RCAN3: variants seen among roughly 807,000 people sequenced by gnomAD.
The protein encoded by RCAN3 is calcipressin-3.
In RCAN3, 19 loss-of-function variants were observed where a neutral mutation model predicts 21.9. The observed-to-expected ratio is 0.87, with a 90% confidence interval of 0.61 to 1.27. RCAN3 has a LOEUF of 1.27. Among genes scored for constraint, RCAN3 ranks in the 50% most tolerant of loss-of-function variants. The pLI is 0.00. For synonymous variants in RCAN3, 114 were observed against 112.3 expected (o/e 1.01, Z -0.09); for missense variants, 240 against 300.1 (o/e 0.80, Z 1.48).
chr1:24,512,394 T>C (rs1214445751), intron 1 of RCAN3, among the ~76,000 whole-genome samples: 7 of 151,290 alleles, frequency 4.6e-5, no homozygotes, highest in Non-Finnish European at 5.9e-5. Flanking sequence ...TGGAACGAGG[T>C]TCTTTAGGAG....
rs144785610 is a variant in RCAN3, at chr1:24,535,148, T to C, written c.597T>C (p.His199=). 176 of 1,598,778 alleles carry C rather than the reference T, an allele frequency of 1.1e-4. No individual in the cohort carries two copies. Among genetic ancestry groups the C allele is most frequent in the Admixed American group, 7.0e-4 (39 of 55,860 alleles). Residue 199 remains histidine, a synonymous_variant, in exon 5 of 5, where the codon CAT becomes CAC. Transcript: ENST00000374395. ...AGTCGACACCCAGCGTGGTGGTTCA[T>C]GTCTGTGAAAGTGAAACTGAAGAGG... ...GTESTPSVVV[H]VCESETEEEE... is the part of the protein sequence containing the mutation.
chr1:24,503,788 C>G (rs1008586157), intron 1 of RCAN3, among the ~76,000 whole-genome samples: 5 of 152,194 alleles, frequency 3.3e-5, no homozygotes, highest in African/African-American at 1.2e-4. Context: ...TGATGTTTTC[C>G]TGTAGTGCTG....
intron 2 of RCAN3, among the ~76,000 whole-genome samples, chr1:24,522,564 G>A (rs1331364295): frequency 2.6e-5 from 4 of 152,268 alleles, no homozygotes; most frequent in Admixed American, 6.5e-5. Context: ...GCTTGAAAAC[G>A]CGACCTGGAG....
intron 2 of RCAN3, among the ~76,000 whole-genome samples, chr1:24,527,435 T>A (rs1004849024): frequency 6.6e-6 from 1 of 152,232 alleles, no homozygotes; most frequent in Non-Finnish European, 1.5e-5. Flanking sequence ...CATAATATAT[T>A]TTTTTAAATG....
intron 1 of RCAN3, among the ~76,000 whole-genome samples, chr1:24,507,999 A>G (rs1200171543): frequency 6.6e-6 from 1 of 151,808 alleles, no homozygotes; most frequent in Admixed American, 6.6e-5. Flanking sequence ...AATCGCTTGA[A>G]CCCTGGAGGC....
At chr1:24,530,168 A>G (rs1384220301) in intron 2 of RCAN3, among the ~76,000 whole-genome samples, 1 of 151,770 alleles carries the variant, frequency 6.6e-6, no homozygotes, top group Non-Finnish European at 1.5e-5. Flanking sequence ...AGCTTGGGCA[A>G]TGTGGCAAAA....
intron 1 of RCAN3, among the ~76,000 whole-genome samples, chr1:24,513,109 C>T (rs1401641769): frequency 1.3e-5 from 2 of 151,950 alleles, no homozygotes; most frequent in Non-Finnish European, 2.9e-5. Context: ...TGGTGTCGGG[C>T]GCCTGTAGTC....
At chr1:24,527,681 C>G (rs1178588846) in intron 2 of RCAN3, among the ~76,000 whole-genome samples, 3 of 152,096 alleles carry the variant, frequency 2.0e-5, no homozygotes, top group Non-Finnish European at 4.4e-5. Flanking sequence ...ATAGGCGAAG[C>G]AAGAACAAAG....
chr1:24,511,694 A>G (rs1647899213), intron 1 of RCAN3, among the ~76,000 whole-genome samples: 1 of 152,266 alleles, frequency 6.6e-6, no homozygotes, highest in Non-Finnish European at 1.5e-5. Flanking sequence ...GAGAATTACC[A>G]GAACATGTCA....
At chr1:24,527,128 C>G (rs1377826355) in intron 2 of RCAN3, among the ~76,000 whole-genome samples, 1 of 152,054 alleles carries the variant, frequency 6.6e-6, no homozygotes, top group Non-Finnish European at 1.5e-5. Context: ...GCCTCCCAGG[C>G]TCAAGCAATT....
chr1:24,504,233 C>T (rs1483496245), intron 1 of RCAN3, among the ~76,000 whole-genome samples: 1 of 152,230 alleles, frequency 6.6e-6, no homozygotes, highest in Admixed American at 6.5e-5. Context: ...TGTCATCCAG[C>T]TGAAGTGCAG....
Position 24,537,024 on chromosome 1 carries a change from T to C in RCAN3, c.*1747T>C, listed in dbSNP as rs1298230232. 6.6e-6 allele frequency: 1 copy of C among 152,218 alleles called. No homozygotes were observed. The highest frequency in any genetic ancestry group is 1.5e-5 in the Non-Finnish European group (1 of 68,036). 9.4% of individuals were successfully genotyped at this position (152,218 alleles called of 1,614,324 possible). A position where few individuals can be genotyped will look rare whatever the true frequency, so the allele number is the denominator to read the frequency against. ...TTACTCTGCAGTTCTGAACTCAGCATTGTGCCCATTTTTTACTGCAAGATG... is the reference window on the plus strand; with the variant it reads ...TTACTCTGCAGTTCTGAACTCAGCACTGTGCCCATTTTTTACTGCAAGATG... On this transcript the variant is annotated 3_prime_UTR_variant, in exon 5 of 5. Coordinates refer to ENST00000374395, the MANE Select transcript of RCAN3 (RefSeq NM_013441.4).
chr1:24,509,191 G>A (rs902919804), intron 1 of RCAN3, among the ~76,000 whole-genome samples: 1 of 152,142 alleles, frequency 6.6e-6, no homozygotes, highest in African/African-American at 2.4e-5. Flanking sequence ...CGATTAAGTC[G>A]TAATCTTTTT....
At chr1:24,518,892 G>A (rs188212983) in intron 2 of RCAN3, among the ~76,000 whole-genome samples, 2 of 152,156 alleles carry the variant, frequency 1.3e-5, no homozygotes, top group East Asian at 3.9e-4. Flanking sequence ...TCCCACCTCA[G>A]CCTCCCAAGT....
intron 1 of RCAN3, among the ~76,000 whole-genome samples, chr1:24,508,662 G>A (rs1210372921): frequency 6.6e-6 from 1 of 152,160 alleles, no homozygotes; most frequent in Non-Finnish European, 1.5e-5. Context: ...GCTGAGACCT[G>A]ACACTGGGTT....
In RCAN3 at chr1:24,533,068, T is replaced by C; in HGVS notation, c.370-15T>C. The stretch of plus-strand genomic sequence containing the variant: ...CCGGTTTGCAAACTGGCTTTGAGCG[T>C]CTCGCTCCCTGCAGGTGCAGATGTC... On this transcript the variant is annotated splice_polypyrimidine_tract_variant and intron_variant, in intron 3 of 4. Coordinates refer to ENST00000374395, the MANE Select transcript of RCAN3 (RefSeq NM_013441.4). 5 of 1,414,852 alleles carry C rather than the reference T, an allele frequency of 3.5e-6. No homozygotes were observed. The highest frequency in any genetic ancestry group is 4.6e-6 in the Non-Finnish European group (5 of 1,080,192). The allele number at this position is 1,414,852 out of a possible 1,614,324, so 87.6% of individuals were successfully genotyped here. A position where few individuals can be genotyped will look rare whatever the true frequency, so the allele number is the denominator to read the frequency against.
At chr1:24,506,162 C>T (rs564406020) in intron 1 of RCAN3, among the ~76,000 whole-genome samples, 4 of 151,986 alleles carry the variant, frequency 2.6e-5, no homozygotes, top group Non-Finnish European at 5.9e-5. Flanking sequence ...TCAAGAGTTC[C>T]CTGGATTGGT....
At position 24,540,075 on chromosome 1, in the gene RCAN3, A is replaced by G. The variant is rs979789787; in HGVS notation, c.*4798A>G. 2 of 152,260 alleles carry G rather than the reference A, an allele frequency of 1.3e-5. No individual in the cohort carries two copies. Among genetic ancestry groups the G allele is most frequent in the African/African-American group, 4.8e-5 (2 of 41,472 alleles). The allele number at this position is 152,260 out of a possible 1,614,324, so 9.4% of individuals were successfully genotyped here. A position where few individuals can be genotyped will look rare whatever the true frequency, so the allele number is the denominator to read the frequency against. ...TTAAACTCCCCTCGGTGTATGGATC[A>G]TCTTCGTCAGAATGCCGTTGTTTCA... On this transcript the variant is annotated 3_prime_UTR_variant, in exon 5 of 5. Coordinates refer to ENST00000374395, the MANE Select transcript of RCAN3 (RefSeq NM_013441.4).
At chr1:24,509,574 A>G (rs1647720485) in intron 1 of RCAN3, among the ~76,000 whole-genome samples, 2 of 152,206 alleles carry the variant, frequency 1.3e-5, no homozygotes, top group African/African-American at 2.4e-5. Context: ...GATTGCAGGA[A>G]TTCAGTCACA....
Sources: allele counts gnomAD v4.1 joint callset (sites outside exome capture counted in the v4.1 genomes callset), GRCh38; gene constraint gnomAD v4.1.1; transcripts MANE v1.5; gene names NCBI Gene and HGNC (gene_info 2026-07-23, HGNC 2026-07-21).